The following PHLDB2 variants were observed in gnomAD, a reference collection of about 807,000 sequenced individuals.
The protein encoded by PHLDB2 is pleckstrin homology-like domain family B member 2.
In PHLDB2, 71 loss-of-function variants were observed where a neutral mutation model predicts 123.6. That is an observed-to-expected ratio of 0.57 (90% CI 0.47 to 0.70). PHLDB2 has a LOEUF of 0.70. Ranked by LOEUF, PHLDB2 falls within the 30% of genes least tolerant of loss-of-function variation. PHLDB2 has a pLI of 0.00. For synonymous variants in PHLDB2, 547 were observed against 541.6 expected, an observed-to-expected ratio of 1.01 and a Z score of -0.14; for missense variants, 1,446 against 1,519.5, an observed-to-expected ratio of 0.95 and a Z score of 0.80.
intron 1 of PHLDB2, among the ~76,000 whole-genome samples, chr3:111,865,744 T>C (rs1207500716): frequency 6.6e-6 from 1 of 152,040 alleles, no homozygotes; most frequent in Non-Finnish European, 1.5e-5. Context: ...ACGTAACCAT[T>C]TCCTTTATTA....
At chr3:111,805,985 G>C (rs1049716088) in intron 1 of PHLDB2, among the ~76,000 whole-genome samples, 1 of 151,318 alleles carries the variant, frequency 6.6e-6, no homozygotes, top group Non-Finnish European at 1.5e-5. Flanking sequence ...TAGAGACAGA[G>C]AATTGGTCAA....
intron 5 of PHLDB2, among the ~76,000 whole-genome samples, chr3:111,928,281 T>G (rs2068920722): frequency 6.6e-6 from 1 of 152,236 alleles, no homozygotes; most frequent in African/African-American, 2.4e-5. Context: ...ATTTTAAGAA[T>G]AGTTTTTGGT....
At chr3:111,796,681 G>T (rs1219277607) in intron 1 of PHLDB2, among the ~76,000 whole-genome samples, 1 of 152,090 alleles carries the variant, frequency 6.6e-6, no homozygotes, top group East Asian at 1.9e-4. Context: ...TTACAGGCAT[G>T]CATCTGGCTA....
chr3:111,918,919 C>T (rs1377999339), intron 3 of PHLDB2, among the ~76,000 whole-genome samples, 153 bp from the exon 4 acceptor site: 1 of 152,224 alleles, frequency 6.6e-6, no homozygotes, highest in Non-Finnish European at 1.5e-5. Flanking sequence ...AAAAACACAT[C>T]AGAGCTCCAA....
chr3:111,888,719 A>G (rs1459168901), intron 2 of PHLDB2, among the ~76,000 whole-genome samples: 2 of 152,228 alleles, frequency 1.3e-5, no homozygotes, highest in Non-Finnish European at 2.9e-5. Flanking sequence ...TTTTACATTA[A>G]CAGGGTGCTT....
At chr3:111,938,809 TA>T in intron 6 of PHLDB2, among the ~76,000 whole-genome samples, 1 of 151,276 alleles carries the variant, frequency 6.6e-6, no homozygotes, top group Non-Finnish European at 1.5e-5. Context: ...TTTCTTTTTT[TA>T]TTTTTATCTT....
intron 1 of PHLDB2, chr3:111,779,995 C>T (rs1368188263): frequency 2.3e-6 from 1 of 429,314 alleles, no homozygotes; most frequent in African/African-American, 2.2e-5. Flanking sequence ...TGTCTATTCA[C>T]AAAATGTGAG....
intron 1 of PHLDB2, among the ~76,000 whole-genome samples, chr3:111,781,134 A>G (rs1421216933): frequency 1.3e-5 from 2 of 152,082 alleles, no homozygotes; most frequent in Non-Finnish European, 2.9e-5. Flanking sequence ...TGACCTCATT[A>G]TGGGCCAGTC....
At chr3:111,786,809 A>T (rs1415819660) in intron 1 of PHLDB2, among the ~76,000 whole-genome samples, 1 of 152,190 alleles carries the variant, frequency 6.6e-6, no homozygotes, top group East Asian at 1.9e-4. Context: ...CTAAGATCCT[A>T]TAATTCTATG....
At chr3:111,753,133 G>C (rs1040825290) in intron 1 of PHLDB2, among the ~76,000 whole-genome samples, 2 of 151,728 alleles carry the variant, frequency 1.3e-5, no homozygotes, top group Non-Finnish European at 2.9e-5. Flanking sequence ...CTTTATAGCA[G>C]CATGATTTAT....
intron 1 of PHLDB2, among the ~76,000 whole-genome samples, chr3:111,869,455 CAAAAAAAAGAAA>C (rs368396897): frequency 3.3e-5 from 5 of 151,160 alleles, no homozygotes; most frequent in Non-Finnish European, 5.9e-5. Flanking sequence ...AGTAAAAATT[CAAAAAAAAGAAA>C]AAAAAAAGGA....
At chr3:111,845,771 G>T (rs1457335435) in intron 1 of PHLDB2, 3 of 1,600,520 alleles carry the variant, frequency 1.9e-6, no homozygotes. Flanking sequence ...GTTTTCAGAG[G>T]TCAATTCAGC....
At chr3:111,757,255 G>T (rs1264456352) in intron 1 of PHLDB2, among the ~76,000 whole-genome samples, 1 of 152,128 alleles carries the variant, frequency 6.6e-6, no homozygotes, top group African/African-American at 2.4e-5. Flanking sequence ...TTCCAACTTG[G>T]TTCCATTCTC....
At chr3:111,890,201 T>C (rs2066398386) in intron 2 of PHLDB2, among the ~76,000 whole-genome samples, 1 of 152,236 alleles carries the variant, frequency 6.6e-6, no homozygotes, top group Non-Finnish European at 1.5e-5. Context: ...TTCCTAGTCA[T>C]GGCTGCCACC....
chr3:111,954,323 A>G (rs1276315809), intron 12 of PHLDB2, among the ~76,000 whole-genome samples: 1 of 152,192 alleles, frequency 6.6e-6, no homozygotes, highest in African/African-American at 2.4e-5. Flanking sequence ...GAAAAGAGAG[A>G]CCAGTGAGAT....
intron 1 of PHLDB2, among the ~76,000 whole-genome samples, chr3:111,756,615 G>T (rs963640096): frequency 6.6e-6 from 1 of 152,148 alleles, no homozygotes; most frequent in Non-Finnish European, 1.5e-5. Flanking sequence ...TTGCCAGTCT[G>T]TGTCTTTTAA....
chr3:111,932,540 G>A, intron 6 of PHLDB2, 143 bp downstream of exon 6: 1 of 804,322 alleles, frequency 1.2e-6, no homozygotes, highest in South Asian at 2.2e-5. Context: ...ATGGAAATAT[G>A]CATGCTAACA....
chr3:111,746,591 C>G (rs1268929583), intron 1 of PHLDB2, among the ~76,000 whole-genome samples: 3 of 152,072 alleles, frequency 2.0e-5, no homozygotes, highest in Non-Finnish European at 2.9e-5. Context: ...AGCAAGACCC[C>G]TCCCCTACAA....
At position 111,970,058 on chromosome 3, in the gene PHLDB2, A is replaced by G. The variant is rs117495207; in HGVS notation, c.3535+149A>G. 235 of 692,724 alleles carry G rather than the reference A, an allele frequency of 3.4e-4. 1 individual carries two copies. The East Asian group carries it at 6.3e-3, about 18-fold the overall frequency. 42.9% of individuals were successfully genotyped at this position (692,724 alleles called of 1,614,324 possible). On this transcript the variant is annotated intron_variant, in intron 16 of 17. Transcript: ENST00000431670. ...GATTTGTAGGTGTACATTATTTTAT[A>G]TTTAGATTATATAGTCCATATGATA... is the stretch of plus-strand genomic sequence containing the variant.
Sources: gnomAD v4.1 joint callset for allele counts (sites outside exome capture counted in the v4.1 genomes callset) on GRCh38, gnomAD v4.1.1 for gene constraint, MANE v1.5 for transcripts, NCBI Gene and HGNC (gene_info 2026-07-23, HGNC 2026-07-21) for gene names.